XK: variants seen among roughly 807,000 people sequenced by gnomAD.
XK encodes the protein endoplasmic reticulum membrane adapter protein XK.
A neutral mutation model predicts 14.0 loss-of-function variants in XK; 2 were observed. The ratio of observed to expected loss-of-function variants is 0.14; its 90% CI spans 0.06 to 0.45. XK has a LOEUF of 0.45. Among genes scored for constraint, XK ranks in the 20% least tolerant of loss-of-function variants. The pLI, the probability that XK is intolerant of heterozygous loss-of-function variation, is 0.98. For synonymous variants in XK, 149 were observed against 147.5 expected (o/e 1.01, Z -0.08); for missense variants, 235 against 341.5 (o/e 0.69, Z 2.46).
Position 37,694,383 on chromosome X carries a change from T to C in XK, c.343T>C (p.Ser115Pro), listed in dbSNP as rs1275693406. 47 of 1,206,247 alleles carry C rather than the reference T, an allele frequency of 3.9e-5. No homozygotes were observed. The highest frequency in any genetic ancestry group is 5.2e-5 in the Non-Finnish European group (46 of 892,813). Residue 115 changes from serine to proline, a missense_variant, in exon 2 of 3, where the codon TCA becomes CCA. Transcript: ENST00000378616. Reference sequence around the variant, plus strand: ...GAGGCAAATGCCAAAAAATGGCCTCTCAGAGGAGATTGAGAAGGAGGTGGG... The same window carrying C: ...GAGGCAAATGCCAAAAAATGGCCTCCCAGAGGAGATTGAGAAGGAGGTGGG... ...KKRQMPKNGL[S>P]EEIEKEVGQA...
intron 2 of XK, among the ~76,000 whole-genome samples, chrX:37,716,360 G>T (rs1007410197): frequency 1.8e-5 from 2 of 111,721 alleles, no homozygotes; most frequent in Non-Finnish European, 3.8e-5. Context: ...AAAATAAGAA[G>T]AACAAAAAAT....
intron 2 of XK, among the ~76,000 whole-genome samples, chrX:37,701,728 C>G (rs782629846): frequency 8.9e-6 from 1 of 112,203 alleles, no homozygotes; most frequent in East Asian, 2.8e-4. Flanking sequence ...CTCCCCTAAC[C>G]CCAGACACGC....
intron 2 of XK, among the ~76,000 whole-genome samples, chrX:37,696,054 T>A (rs1927301289): frequency 1.8e-5 from 2 of 112,125 alleles, no homozygotes; most frequent in Admixed American, 1.9e-4. Flanking sequence ...GTAGATCCAA[T>A]TTTTTTCCTC....
chrX:37,705,919 ATT>A (rs556188481), intron 2 of XK, among the ~76,000 whole-genome samples: 7 of 96,296 alleles, frequency 7.3e-5, no homozygotes, highest in Admixed American at 1.1e-4. Context: ...TGCCTGGCTG[ATT>A]TTTTTTTTTT....
chrX:37,722,758 C>G (rs1927904641), intron 2 of XK, among the ~76,000 whole-genome samples: 1 of 112,016 alleles, frequency 8.9e-6, no homozygotes, highest in Admixed American at 9.4e-5. Context: ...CATCTACCAT[C>G]CTCCATCTTA....
intron 2 of XK, among the ~76,000 whole-genome samples, chrX:37,721,124 C>T (rs1037919543): frequency 1.8e-5 from 2 of 111,016 alleles, no homozygotes; most frequent in Non-Finnish European, 3.8e-5. Context: ...TTTACACTCC[C>T]ACCAACAGTG....
rs1413959830 is a variant in XK at position 37,729,927 on chromosome X, C to T, written c.*1465C>T. On this transcript the variant is annotated 3_prime_UTR_variant, in exon 3 of 3. Coordinates refer to ENST00000378616, the MANE Select transcript of XK (RefSeq NM_021083.4). ...AAATTTTTAAGTAATTTCATGCACA[C>T]AGGAGAAAATGCAATTTGATAATCA... The T allele has an allele frequency of 9.0e-6, 1 of 111,446 alleles. No individual in the cohort carries two copies. The highest frequency in any genetic ancestry group is 1.9e-5 in the Non-Finnish European group (1 of 53,111). The allele number at this position is 111,446 out of a possible 1,213,427, so 9.2% of individuals were successfully genotyped here. A position where few individuals can be genotyped will look rare whatever the true frequency, so the allele number is the denominator to read the frequency against.
intron 2 of XK, among the ~76,000 whole-genome samples, chrX:37,721,823 C>T (rs1927878941): frequency 9.0e-6 from 1 of 111,422 alleles, no homozygotes; most frequent in African/African-American, 3.3e-5. Flanking sequence ...GATGAATGGA[C>T]CATGTCTTGT....
At chrX:37,725,267 CTG>C (rs1312234377) in intron 2 of XK, among the ~76,000 whole-genome samples, 1 of 111,522 alleles carries the variant, frequency 9.0e-6, no homozygotes, top group Non-Finnish European at 1.9e-5. Context: ...AGCATGGTGA[CTG>C]TAGTTAATAA....
intron 2 of XK, among the ~76,000 whole-genome samples, chrX:37,707,422 G>A (rs1205752896): frequency 1.5e-4 from 16 of 107,695 alleles, no homozygotes; most frequent in African/African-American, 5.5e-4. Flanking sequence ...GGTGGCTGCC[G>A]GGCGCAGGGG....
chrX:37,702,615 T>C (rs1252273329), intron 2 of XK, among the ~76,000 whole-genome samples: 2 of 111,971 alleles, frequency 1.8e-5, no homozygotes, highest in Non-Finnish European at 3.8e-5. Context: ...CACATAGAGA[T>C]GACTAGCTAC....
intron 2 of XK, among the ~76,000 whole-genome samples, chrX:37,725,191 G>A (rs782354187): frequency 3.7e-4 from 41 of 111,346 alleles, no homozygotes; most frequent in African/African-American, 1.3e-3. Flanking sequence ...GAAATAGGGT[G>A]ATGATGGTCA....
intron 2 of XK, among the ~76,000 whole-genome samples, chrX:37,704,209 G>A (rs1927467656): frequency 9.0e-6 from 1 of 111,173 alleles, no homozygotes; most frequent in African/African-American, 3.3e-5. Flanking sequence ...CTGATTGTAG[G>A]GTCATTAGGG....
rs782294152 is a variant in XK, at chrX:37,728,557, G to A, written c.*95G>A. 9.8e-6 allele frequency: 9 copies of A among 922,772 alleles called. No homozygotes were observed. In the South Asian group the frequency reaches 1.8e-4, roughly 19 times the overall value. The allele number at this position is 922,772 out of a possible 1,213,427, so 76.0% of individuals were successfully genotyped here. On this transcript the variant is annotated 3_prime_UTR_variant, in exon 3 of 3. Coordinates refer to ENST00000378616, the MANE Select transcript of XK (RefSeq NM_021083.4). Reference sequence around the variant, plus strand: ...TGAGCCCTACACAGGGAACAAGGCAGGAAGTTAGCTGTTAACTCCTTGTGA... The same window carrying A: ...TGAGCCCTACACAGGGAACAAGGCAAGAAGTTAGCTGTTAACTCCTTGTGA...
intron 2 of XK, among the ~76,000 whole-genome samples, chrX:37,708,468 C>A (rs782384044): frequency 8.9e-6 from 1 of 112,117 alleles, no homozygotes; most frequent in South Asian, 3.7e-4. Context: ...CCCAGCCAAA[C>A]TGATTTCAGA....
intron 2 of XK, among the ~76,000 whole-genome samples, chrX:37,719,858 A>G (rs1286049607): frequency 1.8e-5 from 2 of 110,654 alleles, no homozygotes; most frequent in Admixed American, 1.9e-4. Flanking sequence ...AATGCCAGGT[A>G]TTTGTAAGAA....
intron 2 of XK, among the ~76,000 whole-genome samples, chrX:37,696,163 A>G (rs961144348): frequency 8.9e-6 from 1 of 112,228 alleles, no homozygotes; most frequent in Admixed American, 9.5e-5. Context: ...ATAAAGTTCT[A>G]TTGGAATGCA....
chrX:37,719,171 A>C lies in XK; in HGVS notation c.509-8465A>C, dbSNP rs782821032. On this transcript the variant is annotated intron_variant, in intron 2 of 2. Coordinates refer to ENST00000378616, the MANE Select transcript of XK (RefSeq NM_021083.4). ...CTTCCAGCTTCCATTATTTCTGTTG[A>C]GATGCTACTGTCCTCTGTCATTATT... Among the ~76,000 whole-genome samples, 19 of 111,330 alleles carry C rather than the reference A, an allele frequency of 1.7e-4. 1 individual carries two copies. Among genetic ancestry groups the C allele is most frequent in the African/African-American group, 5.5e-4 (17 of 30,728 alleles).
chrX:37,702,315 A>G (rs781975829), intron 2 of XK, among the ~76,000 whole-genome samples: 87 of 111,822 alleles, frequency 7.8e-4, no homozygotes, highest in African/African-American at 2.6e-3. Flanking sequence ...GGTTCAGTGG[A>G]CATGATATGG....
Sources: gnomAD v4.1 joint callset for allele counts (sites outside exome capture counted in the v4.1 genomes callset) on GRCh38, gnomAD v4.1.1 for gene constraint, MANE v1.5 for transcripts, NCBI Gene and HGNC (gene_info 2026-07-23, HGNC 2026-07-21) for gene names.